Variants in MSH4 observed in about 807,000 individuals in gnomAD.
MSH4 encodes mutS protein homolog 4.
In MSH4, 106 loss-of-function variants were observed where a neutral mutation model predicts 113.7. The ratio of observed to expected loss-of-function variants is 0.93; its 90% CI spans 0.80 to 1.10. The LOEUF (loss-of-function observed/expected upper bound fraction) is 1.10. Ranked by LOEUF, MSH4 falls within the 50% of genes least tolerant of loss-of-function variation. The probability of loss-of-function intolerance (pLI) is 0.00; values close to 1 mark genes in which losing one functional copy is unlikely to be tolerated. For synonymous variants in MSH4, 368 were observed against 380.2 expected (o/e 0.97, Z 0.37); for missense variants, 1,061 against 1,093.7 (o/e 0.97, Z 0.42).
intron 14 of MSH4, among the ~76,000 whole-genome samples, chr1:75,883,171 A>T (rs999233446): frequency 2.2e-5 from 3 of 135,566 alleles, no homozygotes; most frequent in East Asian, 2.1e-4. Flanking sequence ...CACCTGGCTA[A>T]TTTTTTTTTT....
chr1:75,826,226 T>C (rs1650548268), intron 7 of MSH4, among the ~76,000 whole-genome samples: 1 of 152,210 alleles, frequency 6.6e-6, no homozygotes, highest in African/African-American at 2.4e-5. Flanking sequence ...TATCCATTTC[T>C]TCTAGATTTT....
chr1:75,885,021 A>ATGTGTGTGTGTG, intron 15 of MSH4, among the ~76,000 whole-genome samples: 1 of 124,122 alleles, frequency 8.1e-6, no homozygotes. Flanking sequence ...ATGTGTGTAT[A>ATGTGTGTGTGTG]TATATATATG....
chr1:75,843,798 T>C (rs897334454), intron 7 of MSH4, among the ~76,000 whole-genome samples: 3 of 151,848 alleles, frequency 2.0e-5, no homozygotes, highest in African/African-American at 7.3e-5. Context: ...AAATAAACAT[T>C]TTCTTATTTT....
At chr1:75,885,433 G>A (rs1652054233) in intron 15 of MSH4, among the ~76,000 whole-genome samples, 1 of 86,484 alleles carries the variant, frequency 1.2e-5, no homozygotes, top group Middle Eastern at 6.1e-3. Flanking sequence ...GGTATCCTGA[G>A]TGTGTATATA....
intron 9 of MSH4, among the ~76,000 whole-genome samples, chr1:75,875,965 G>A (rs1651808797): frequency 6.6e-6 from 1 of 152,158 alleles, no homozygotes; most frequent in Non-Finnish European, 1.5e-5. Context: ...GTGTTTCCAT[G>A]TACATAGACT....
At chr1:75,832,652 A>T (rs1322602126) in intron 7 of MSH4, among the ~76,000 whole-genome samples, 1 of 152,158 alleles carries the variant, frequency 6.6e-6, no homozygotes, top group Non-Finnish European at 1.5e-5. Flanking sequence ...CAATATACGT[A>T]ATCCATCACA....
chr1:75,828,646 T>TG (rs1480035599), intron 7 of MSH4, among the ~76,000 whole-genome samples: 2 of 152,048 alleles, frequency 1.3e-5, no homozygotes, highest in Non-Finnish European at 2.9e-5. Context: ...CAATAGCTAT[T>TG]GGGGACTCCA....
At chr1:75,883,922 G>C in intron 15 of MSH4, 101 bp downstream of exon 15, 2 of 877,534 alleles carry the variant, frequency 2.3e-6, no homozygotes, top group Admixed American at 4.8e-5. Flanking sequence ...CCCAAGAACA[G>C]TTTGGAGCAG....
At chr1:75,873,748 T>TTATATATATATATA (rs61020580) in intron 9 of MSH4, among the ~76,000 whole-genome samples, 14 of 150,434 alleles carry the variant, frequency 9.3e-5, no homozygotes, top group African/African-American at 3.4e-4. Flanking sequence ...GATCTTGTTT[T>TTATATATATATATA]TATATATATA....
At chr1:75,856,927 C>T (rs966915209) in intron 8 of MSH4, among the ~76,000 whole-genome samples, 2 of 152,184 alleles carry the variant, frequency 1.3e-5, no homozygotes, top group African/African-American at 4.8e-5. Flanking sequence ...GATCCTATTT[C>T]TCCACATCCT....
intron 7 of MSH4, among the ~76,000 whole-genome samples, chr1:75,840,119 C>T (rs1191070509): frequency 6.6e-6 from 1 of 152,066 alleles, no homozygotes; most frequent in Non-Finnish European, 1.5e-5. Flanking sequence ...GGCGATTCCT[C>T]AGGGATCTAG....
At chr1:75,879,617 A>G (rs1180954881) in intron 12 of MSH4, among the ~76,000 whole-genome samples, 1 of 152,162 alleles carries the variant, frequency 6.6e-6, no homozygotes, top group Non-Finnish European at 1.5e-5. Flanking sequence ...TTTGATAAGA[A>G]CAAACCATTT....
At chr1:75,886,695 A>C (rs1327656867) in intron 15 of MSH4, among the ~76,000 whole-genome samples, 1 of 130,816 alleles carries the variant, frequency 7.6e-6, no homozygotes, top group South Asian at 2.2e-4. Flanking sequence ...ATAATGTATA[A>C]TATATAAATA....
chr1:75,823,006 C>G (rs1650456460), intron 7 of MSH4, among the ~76,000 whole-genome samples: 1 of 152,098 alleles, frequency 6.6e-6, no homozygotes, highest in African/African-American at 2.4e-5. Context: ...TTTTGTCTTA[C>G]AGTTCTGGAA....
chr1:75,882,838 G>T (rs1230280636), intron 14 of MSH4, among the ~76,000 whole-genome samples: 2 of 151,964 alleles, frequency 1.3e-5, no homozygotes, highest in Admixed American at 1.3e-4. Flanking sequence ...CCAAGACCCT[G>T]TCTCTAATAA....
chr1:75,902,884 G>T (rs1346724890), intron 19 of MSH4, among the ~76,000 whole-genome samples: 1 of 150,204 alleles, frequency 6.7e-6, no homozygotes. Flanking sequence ...GGATTTTTTT[G>T]CTATTGAGTT....
intron 10 of MSH4, 52 bp from the exon 11 acceptor site, chr1:75,878,097 A>C (rs368244818): frequency 1.5e-6 from 2 of 1,303,400 alleles, no homozygotes; most frequent in African/African-American, 3.1e-5. Flanking sequence ...ATAAATTAAA[A>C]TAACTCTTTG....
At chr1:75,826,291 C>A (rs1650550625) in intron 7 of MSH4, among the ~76,000 whole-genome samples, 1 of 142,746 alleles carries the variant, frequency 7.0e-6, no homozygotes, top group Non-Finnish European at 1.5e-5. Flanking sequence ...GTTTGTATTT[C>A]TGTGGGATCA....
chr1:75,885,057 G>GTATATATATATATATATATATA (rs1440064046), intron 15 of MSH4, among the ~76,000 whole-genome samples: 3 of 114,532 alleles, frequency 2.6e-5, no homozygotes, highest in African/African-American at 1.2e-4. Flanking sequence ...GTGTGTGTGT[G>GTATATATATATATATATATATA]TGTATATATA....
Sources: allele counts gnomAD v4.1 joint callset (sites outside exome capture counted in the v4.1 genomes callset), GRCh38; gene constraint gnomAD v4.1.1; transcripts MANE v1.5; gene names NCBI Gene and HGNC (gene_info 2026-07-23, HGNC 2026-07-21).